PHYH: variants seen among roughly 807,000 people sequenced by gnomAD.
The protein encoded by PHYH is phytanoyl-CoA 2-hydroxylase, also known as phytanoyl-CoA dioxygenase, peroxisomal.
In PHYH, 32 loss-of-function variants were observed where a neutral mutation model predicts 38.5. The observed-to-expected ratio is 0.83, with a 90% CI of 0.63 to 1.12. The LOEUF (loss-of-function observed/expected upper bound fraction) is 1.12. PHYH is among the 50% of genes most tolerant of loss of function. The pLI is 0.00. For synonymous variants in PHYH, 166 were observed against 157.9 expected (o/e 1.05, Z -0.38); for missense variants, 426 against 434.8 (o/e 0.98, Z 0.18).
At position 13,288,428 on chromosome 10, in the gene PHYH, CGTT is replaced by C. The variant is rs1564424066; in HGVS notation, c.607_609del (p.Asn203del). ...GTGCCTGGGAGCACAACCAGACAGC[CGTT>C]GTTCCGGCTGATGTGCTCCATCGCC... On this transcript the variant is annotated inframe_deletion, in exon 6 of 9. Coordinates refer to ENST00000263038, the MANE Select transcript of PHYH (RefSeq NM_006214.4). 1 of 1,614,172 alleles carries C rather than the reference CGTT, an allele frequency of 6.2e-7. No homozygotes were observed. The highest frequency in any genetic ancestry group is 8.5e-7 in the Non-Finnish European group (1 of 1,180,030).
chr10:13,284,300 C>A (rs768828953), intron 6 of PHYH, among the ~76,000 whole-genome samples: 2 of 151,880 alleles, frequency 1.3e-5, no homozygotes, highest in Non-Finnish European at 2.9e-5. Context: ...CCAGCCTGGA[C>A]AACAGAGCAA....
intron 8 of PHYH, among the ~76,000 whole-genome samples, chr10:13,279,236 G>A (rs1463578361): frequency 6.6e-6 from 1 of 152,116 alleles, no homozygotes; most frequent in Non-Finnish European, 1.5e-5. Flanking sequence ...GACCTCAGGT[G>A]ATCCACCCGC....
At chr10:13,286,484 C>T (rs145934235) in intron 6 of PHYH, among the ~76,000 whole-genome samples, 2,087 of 152,134 alleles carry the variant, frequency 0.014, 15 homozygotes, top group Middle Eastern at 0.037. Context: ...AGGCAGATCA[C>T]GAAGTCAGGA....
chr10:13,296,799 C>CA lies in PHYH; in HGVS notation c.135-1194dup, dbSNP rs1440304226. On this transcript the variant is annotated intron_variant, in intron 2 of 8. Transcript: ENST00000263038. ...GTGAAACCCGCCTCTACTAAAAATG[C>CA]AAAAAATTAGCCCGGCATGGTGTCT... Among the ~76,000 whole-genome samples, 15 of 151,366 alleles carry CA rather than the reference C, an allele frequency of 9.9e-5. No homozygotes were observed. In the East Asian group the frequency reaches 1.4e-3, roughly 14 times the overall value.
chr10:13,290,065 T>C (rs990376786), intron 5 of PHYH, among the ~76,000 whole-genome samples: 4 of 142,110 alleles, frequency 2.8e-5, no homozygotes, highest in East Asian at 4.1e-4. Flanking sequence ...GGTCAGGAGT[T>C]CGAGACCAGC....
chr10:13,296,953 CAAAATAAAAT>C (rs1333722713), intron 2 of PHYH, among the ~76,000 whole-genome samples: 1 of 150,074 alleles, frequency 6.7e-6, no homozygotes, highest in East Asian at 1.9e-4. Flanking sequence ...GACTCGGTCT[CAAAATAAAAT>C]AAAATATAAT....
intron 4 of PHYH, among the ~76,000 whole-genome samples, chr10:13,292,284 T>A (rs1001353405): frequency 6.6e-6 from 1 of 152,188 alleles, no homozygotes; most frequent in African/African-American, 2.4e-5. Flanking sequence ...AAGAGTCCCA[T>A]ACAATTCACA....
At chr10:13,299,554 G>A in intron 1 of PHYH, 8 of 1,015,928 alleles carry the variant, frequency 7.9e-6, no homozygotes, top group South Asian at 4.4e-5. Context: ...CTCCGGAGAG[G>A]TCCCGGTCAC....
intron 4 of PHYH, among the ~76,000 whole-genome samples, chr10:13,292,702 G>A (rs964027551): frequency 1.3e-5 from 2 of 152,150 alleles, no homozygotes; most frequent in African/African-American, 4.8e-5. Flanking sequence ...GGTGGCCGAG[G>A]CGGGCGGATC....
chr10:13,298,715 CACCACTACT>C (rs1188789444), intron 1 of PHYH, among the ~76,000 whole-genome samples: 29 of 115,358 alleles, frequency 2.5e-4, no homozygotes, highest in Middle Eastern at 4.0e-3. Flanking sequence ...AAAAAACTAC[CACCACTACT>C]ACTACTACTA....
chr10:13,291,651 A>G, intron 5 of PHYH, 180 bp downstream of exon 5: 2 of 599,816 alleles, frequency 3.3e-6, no homozygotes, highest in Non-Finnish European at 5.9e-6. Flanking sequence ...GATATTTTTA[A>G]ATTTTATTTT....
chr10:13,297,078 A>G (rs1035156281), intron 2 of PHYH, among the ~76,000 whole-genome samples: 2 of 152,114 alleles, frequency 1.3e-5, no homozygotes, highest in African/African-American at 4.8e-5. Flanking sequence ...AAAAGCCTGC[A>G]AAGAAATACA....
rs866864885 is a variant in PHYH, at chr10:13,294,902, G to T, written c.246-306C>A. On this transcript the variant is annotated intron_variant, in intron 3 of 8. Coordinates refer to ENST00000263038, the MANE Select transcript of PHYH (RefSeq NM_006214.4). ...TACCATGTGCCCAGCTCTCTTCAAA[G>T]TGGTTTCCATATATTTCACCGTATT... is the stretch of plus-strand genomic sequence containing the variant. The T allele has an allele frequency of 1.4e-4, 56 of 410,444 alleles. 2 individuals carry two copies. Among genetic ancestry groups the T allele is most frequent in the South Asian group, 1.0e-3 (47 of 46,008 alleles). The allele number at this position is 410,444 out of a possible 1,614,324, so 25.4% of individuals were successfully genotyped here.
In PHYH at chr10:13,278,332, C is replaced by G. The variant is rs144085594; in HGVS notation, c.986G>C (p.Arg329Pro). ...ATTGGTTCTTTCTCCTTTCACAAGT[C>G]GAGCTCGAAACATCCAAATATCCTG... The part of the protein sequence containing the change: ...NLKDIWMFRA[R>P]LVKGERTNL The change falls in exon 9 of 9, where the codon CGA becomes CCA. Residue 329 changes from arginine to proline, a missense_variant. Physicochemically the swap from Arg to Pro is moderately radical, Grantham distance 103 (BLOSUM62 -2). Coordinates refer to ENST00000263038, the MANE Select transcript of PHYH (RefSeq NM_006214.4). The G allele has an allele frequency of 1.2e-6, 2 of 1,612,576 alleles. No individual in the cohort carries two copies. The highest frequency in any genetic ancestry group is 1.3e-5 in the African/African-American group (1 of 75,006).
At chr10:13,289,987 G>T (rs1835664551) in intron 5 of PHYH, among the ~76,000 whole-genome samples, 1 of 146,490 alleles carries the variant, frequency 6.8e-6, no homozygotes, top group African/African-American at 2.5e-5. Context: ...ACACAAAACA[G>T]GACGGGCACG....
chr10:13,298,423 G>C (rs1256185379), intron 1 of PHYH, among the ~76,000 whole-genome samples, 178 bp from the exon 2 acceptor site: 13 of 151,646 alleles, frequency 8.6e-5, no homozygotes, highest in Admixed American at 8.6e-4. Context: ...AAATTAGGCC[G>C]GGGGCGGTGG....
At chr10:13,290,666 G>C (rs1360083832) in intron 5 of PHYH, among the ~76,000 whole-genome samples, 1 of 152,134 alleles carries the variant, frequency 6.6e-6, no homozygotes, top group African/African-American at 2.4e-5. Flanking sequence ...CTCCTGAGTA[G>C]TTGGGACCAC....
In PHYH at chr10:13,295,831, CAA is replaced by C. The variant is rs10612459; in HGVS notation, c.135-227_135-226del. On this transcript the variant is annotated intron_variant, in intron 2 of 8. Transcript: ENST00000263038. ...TGGGCGACAGAGTGAGACCCTGTCT[CAA>C]AAAAAAAAAAAAAATTTAAATTACA... 4.2e-3 allele frequency among the ~76,000 whole-genome samples: 569 copies of C among 135,868 alleles called. 4 individuals carry two copies. Among genetic ancestry groups the C allele is most frequent in the Middle Eastern group, 0.015 (4 of 264 alleles). 89.1% of individuals were successfully genotyped at this position (135,868 alleles called of 152,430 possible). A position where few individuals can be genotyped will look rare whatever the true frequency, so the allele number is the denominator to read the frequency against.
In PHYH at chr10:13,280,981, A is replaced by G. The variant is rs779617040; in HGVS notation, c.958T>C (p.Leu320=). Residue 320 remains leucine (L), a synonymous_variant, in exon 8 of 9, where the codon TTG becomes CTG. Coordinates refer to ENST00000263038, the MANE Select transcript of PHYH (RefSeq NM_006214.4). ...GCTATTGTATACAAACATACCTTCA[A>G]GTTCACGCTATTTTCAGCTCCAAAG... The part of the protein sequence containing the change: ...KFFGAENSVN[L]KDIWMFRARL... 2.5e-6 allele frequency: 4 copies of G among 1,614,086 alleles called. No individual in the cohort carries two copies. The highest frequency in any genetic ancestry group is 3.3e-5 in the Admixed American group (2 of 60,026).
Sources: gnomAD v4.1 joint callset for allele counts (sites outside exome capture counted in the v4.1 genomes callset) on GRCh38, gnomAD v4.1.1 for gene constraint, MANE v1.5 for transcripts, NCBI Gene and HGNC (gene_info 2026-07-23, HGNC 2026-07-21) for gene names.